Variants in IKZF3 observed in about 807,000 individuals in gnomAD.
IKZF3 encodes IKAROS family zinc finger 3, also known as zinc finger protein Aiolos.
A neutral mutation model predicts 49.0 loss-of-function variants in IKZF3; 10 were observed. The ratio of observed to expected loss-of-function variants is 0.20; its 90% CI spans 0.13 to 0.35. IKZF3 has a LOEUF of 0.35. Among genes scored for constraint, IKZF3 ranks in the 10% least tolerant of loss-of-function variants. IKZF3 has a pLI of 1.00. For synonymous variants in IKZF3, 209 were observed against 228.2 expected, an observed-to-expected ratio of 0.92 and a Z score of 0.76; for missense variants, 498 against 664.8, an observed-to-expected ratio of 0.75 and a Z score of 2.76.
intron 7 of IKZF3, among the ~76,000 whole-genome samples, chr17:39,767,877 AC>A (rs773877365): frequency 6.6e-6 from 1 of 152,082 alleles, no homozygotes; most frequent in Non-Finnish European, 1.5e-5. Flanking sequence ...AGCCCGGGCA[AC>A]ATGGAGGAAC....
chr17:39,792,944 G>A lies in IKZF3; in HGVS notation c.164-11C>T. The A allele has an allele frequency of 1.2e-6, 2 of 1,608,290 alleles. No homozygotes were observed. The highest frequency in any genetic ancestry group is 1.7e-6 in the Non-Finnish European group (2 of 1,177,434). On this transcript the variant is annotated splice_polypyrimidine_tract_variant and intron_variant, in intron 3 of 7. Coordinates refer to ENST00000346872, the MANE Select transcript of IKZF3 (RefSeq NM_012481.5). ...CTTTCATTGAATCATCTGCAGGGAA[G>A]AAAATGCAAGAAATGAACAACGACT... is the stretch of plus-strand genomic sequence containing the variant.
chr17:39,796,074 AT>A (rs1008997454), intron 3 of IKZF3, among the ~76,000 whole-genome samples: 1 of 152,038 alleles, frequency 6.6e-6, no homozygotes, highest in African/African-American at 2.4e-5. Context: ...ATAAATTAGA[AT>A]TTAAGGTATG....
intron 3 of IKZF3, among the ~76,000 whole-genome samples, chr17:39,814,852 T>C (rs1332701310): frequency 1.3e-5 from 2 of 152,208 alleles, no homozygotes; most frequent in African/African-American, 4.8e-5. Flanking sequence ...ACTGGTGTTT[T>C]GTCACCCAGT....
intron 3 of IKZF3, among the ~76,000 whole-genome samples, chr17:39,796,893 G>A (rs1276268914): frequency 4.7e-5 from 7 of 150,496 alleles, no homozygotes; most frequent in African/African-American, 1.5e-4. Context: ...GTCCAGGAGC[G>A]GTGGCTCACA....
chr17:39,860,538 A>G (rs952855489), intron 1 of IKZF3, among the ~76,000 whole-genome samples: 3 of 152,214 alleles, frequency 2.0e-5, no homozygotes, highest in Non-Finnish European at 4.4e-5. Flanking sequence ...CACAAAAAAG[A>G]ATGAAATCAT....
chr17:39,766,323 C>G lies in IKZF3; in HGVS notation c.997G>C (p.Glu333Gln). 6.2e-7 allele frequency: 1 copy of G among 1,614,162 alleles called. No homozygotes were observed. Among genetic ancestry groups the G allele is most frequent in the Non-Finnish European group, 8.5e-7 (1 of 1,180,042 alleles). The change falls in exon 8 of 8, where the codon GAG becomes CAG. Residue 333 changes from glutamate to glutamine, a missense_variant. By Grantham distance (29) the Glu-to-Gln change is conservative. Around this residue, in one of 3 missense-constraint regions of IKZF3, gnomAD observed 317 missense variants for 397.3 expected, o/e 0.80. Coordinates refer to ENST00000346872, the MANE Select transcript of IKZF3 (RefSeq NM_012481.5). ...LVQTPPAPTS[E>Q]MVPVISSMYP... is the part of the protein sequence containing the mutation. ...ATGCTGCTGATAACTGGAACCATCTCCGAGGTGGGAGCAGGCGGTGTCTGG... is the reference window on the plus strand; with the variant it reads ...ATGCTGCTGATAACTGGAACCATCTGCGAGGTGGGAGCAGGCGGTGTCTGG...
intron 1 of IKZF3, among the ~76,000 whole-genome samples, chr17:39,845,250 G>A (rs926523804): frequency 6.6e-6 from 1 of 152,056 alleles, no homozygotes; most frequent in African/African-American, 2.4e-5. Flanking sequence ...GGCCAGGCAC[G>A]GTGGCTCATG....
intron 1 of IKZF3, among the ~76,000 whole-genome samples, chr17:39,843,509 T>C (rs1190874289): frequency 6.6e-6 from 1 of 152,038 alleles, no homozygotes; most frequent in African/African-American, 2.4e-5. Flanking sequence ...GGAACATCTT[T>C]TAGTCACTAC....
intron 1 of IKZF3, among the ~76,000 whole-genome samples, chr17:39,846,694 T>G (rs893235616): frequency 2.6e-5 from 4 of 152,032 alleles, no homozygotes; most frequent in African/African-American, 7.2e-5. Context: ...GCAACAAAAA[T>G]GTACAATCAT....
chr17:39,834,129 T>C (rs2062193619), intron 1 of IKZF3, among the ~76,000 whole-genome samples: 1 of 152,214 alleles, frequency 6.6e-6, no homozygotes, highest in African/African-American at 2.4e-5. Context: ...TTTCTCATGA[T>C]TAGACTGGAG....
intron 3 of IKZF3, among the ~76,000 whole-genome samples, chr17:39,809,126 G>A (rs1446517882): frequency 1.3e-5 from 2 of 152,122 alleles, no homozygotes; most frequent in Non-Finnish European, 2.9e-5. Flanking sequence ...AATATCTATC[G>A]TGATCCCATT....
At chr17:39,778,170 A>C (rs1013593735) in intron 6 of IKZF3, 1 of 987,962 alleles carries the variant, frequency 1.0e-6, no homozygotes, top group African/African-American at 1.7e-5. Flanking sequence ...ACTTTGAAAA[A>C]AAAGCATGGT....
intron 1 of IKZF3, among the ~76,000 whole-genome samples, chr17:39,841,159 A>G (rs1223115962): frequency 6.6e-6 from 1 of 151,862 alleles, no homozygotes; most frequent in African/African-American, 2.4e-5. Flanking sequence ...CCTGGGCAAC[A>G]GAGAGATTCT....
At chr17:39,809,308 A>G (rs1465368311) in intron 3 of IKZF3, among the ~76,000 whole-genome samples, 1 of 152,212 alleles carries the variant, frequency 6.6e-6, no homozygotes, top group Non-Finnish European at 1.5e-5. Flanking sequence ...ATCCAAATGC[A>G]GTCAGTTAAA....
rs1484791353 is a variant in IKZF3 at position 39,764,085 on chromosome 17, C to T, written c.*1705G>A. On this transcript the variant is annotated 3_prime_UTR_variant, in exon 8 of 8. Transcript: ENST00000346872. ...GGTCAGGCTGGTCTCGAACTCCTGA[C>T]CTCAAATGATGCGCCTGCCTCGGCT... 1 of 152,192 alleles carries T rather than the reference C, an allele frequency of 6.6e-6. No individual in the cohort carries two copies. The highest frequency in any genetic ancestry group is 2.4e-5 in the African/African-American group (1 of 41,440). The allele number at this position is 152,192 out of a possible 1,614,324, so 9.4% of individuals were successfully genotyped here.
intron 1 of IKZF3, among the ~76,000 whole-genome samples, chr17:39,843,750 T>G (rs2062547621): frequency 6.7e-6 from 1 of 149,814 alleles, no homozygotes; most frequent in Non-Finnish European, 1.5e-5. Flanking sequence ...GAGGTTACAG[T>G]GAGCCGAGAT....
At chr17:39,847,626 T>C (rs2062673672) in intron 1 of IKZF3, among the ~76,000 whole-genome samples, 1 of 152,076 alleles carries the variant, frequency 6.6e-6, no homozygotes, top group African/African-American at 2.4e-5. Flanking sequence ...CTGAACCCGT[T>C]TTTGTTTGCC....
At chr17:39,778,512 C>T (rs2060648071) in intron 6 of IKZF3, among the ~76,000 whole-genome samples, 1 of 152,154 alleles carries the variant, frequency 6.6e-6, no homozygotes, top group South Asian at 2.1e-4. Flanking sequence ...TGAATAAAAA[C>T]TGCCTATGGG....
At chr17:39,808,316 C>T (rs1434928337) in intron 3 of IKZF3, among the ~76,000 whole-genome samples, 1 of 152,118 alleles carries the variant, frequency 6.6e-6, no homozygotes, top group African/African-American at 2.4e-5. Flanking sequence ...CAAGGGCACC[C>T]GCTACTTGAC....
Sources: allele counts gnomAD v4.1 joint callset (sites outside exome capture counted in the v4.1 genomes callset), GRCh38; gene constraint gnomAD v4.1.1; regional missense constraint gnomAD v4.1.1; transcripts MANE v1.5; gene names NCBI Gene and HGNC (gene_info 2026-07-23, HGNC 2026-07-21).